The following LRP10 variants were observed in gnomAD, a reference collection of about 807,000 sequenced individuals.
The protein encoded by LRP10 is LDL receptor related protein 10.
In LRP10, 42 loss-of-function variants were observed where a neutral mutation model predicts 58.5. The ratio of observed to expected loss-of-function variants is 0.72; its 90% confidence interval spans 0.56 to 0.93. The LOEUF is 0.93. Among genes scored for constraint, LRP10 ranks in the 40% least tolerant of loss-of-function variants. The probability of loss-of-function intolerance (pLI) is 0.00; values close to 1 mark genes in which losing one functional copy is unlikely to be tolerated. For missense variants in LRP10, 872 were observed against 940.1 expected (o/e 0.93, Z 0.95); for synonymous variants, 377 against 388.5 (o/e 0.97, Z 0.35).
Position 22,875,100 on chromosome 14 carries a change from A to G in LRP10, c.261A>G (p.Leu87=), listed in dbSNP as rs749293367. The G allele has an allele frequency of 6.2e-7, 1 of 1,610,780 alleles. No homozygotes were observed. Among genetic ancestry groups the G allele is most frequent in the Non-Finnish European group, 8.5e-7 (1 of 1,178,378 alleles). Reference sequence around the variant, plus strand: ...CCTGTGGCTCAGAGCGCTTAACCCTACGCTCCCCTCTCCAGCCACTGATCT... The same window carrying G: ...CCTGTGGCTCAGAGCGCTTAACCCTGCGCTCCCCTCTCCAGCCACTGATCT... ...HLACGSERLT[L]RSPLQPLISL... The change falls in exon 4 of 7, where the codon CTA becomes CTG. Residue 87 remains leucine, a synonymous_variant. Transcript: ENST00000359591.
In LRP10 at chr14:22,876,348, A is replaced by G. The variant is rs759327876; in HGVS notation, c.1400A>G (p.Tyr467Cys). 14 of 1,613,954 alleles carry G rather than the reference A, an allele frequency of 8.7e-6. No homozygotes were observed. In the East Asian group the frequency reaches 1.3e-4, roughly 15 times the overall value. ...GCCCTGGGCTGCACCTGCAAGCTCT[A>G]TGCCATTCGCACCCAGGAGTACAGG... ...VIALGCTCKLYAIRTQEYSIF... is the reference protein window; with the variant it reads ...VIALGCTCKLCAIRTQEYSIF... Residue 467 changes from tyrosine to cysteine, a missense_variant, in exon 5 of 7, where the codon TAT becomes TGT. Coordinates refer to ENST00000359591, the MANE Select transcript of LRP10 (RefSeq NM_014045.5).
rs1234632892 is a variant in LRP10, at chr14:22,877,717, C to T, written c.*190C>T. 1.3e-5 allele frequency: 7 copies of T among 543,880 alleles called. No individual in the cohort carries two copies. The highest frequency in any genetic ancestry group is 2.3e-5 in the Non-Finnish European group (7 of 308,490). 33.7% of individuals were successfully genotyped at this position (543,880 alleles called of 1,614,324 possible). Reference sequence around the variant, plus strand: ...AAGTGTCCCTCAGGCAGGGAGAGGGCTCACAGAGTCTCCTCTGTACGTGGC... The same window carrying T: ...AAGTGTCCCTCAGGCAGGGAGAGGGTTCACAGAGTCTCCTCTGTACGTGGC... On this transcript the variant is annotated 3_prime_UTR_variant, in exon 7 of 7. Coordinates refer to ENST00000359591, the MANE Select transcript of LRP10 (RefSeq NM_014045.5). This position sits in a 1 kb window ranked among gnomAD's most constrained non-coding sequence, Gnocchi z 5.1.
chr14:22,873,479 T>G (rs999040629), intron 3 of LRP10, 33 bp downstream of exon 3: 1 of 1,609,142 alleles, frequency 6.2e-7, no homozygotes, highest in African/African-American at 1.3e-5. Context: ...GAACCCATTC[T>G]TCTCCCCTGC....
At position 22,881,036 on chromosome 14, in the gene LRP10, C is replaced by G. The variant is rs1044021038; in HGVS notation, c.*3509C>G. 1.3e-5 allele frequency: 2 copies of G among 152,090 alleles called. No homozygotes were observed. Among genetic ancestry groups the G allele is most frequent in the Admixed American group, 1.3e-4 (2 of 15,250 alleles). The allele number at this position is 152,090 out of a possible 1,614,324, so 9.4% of individuals were successfully genotyped here. A position where few individuals can be genotyped will look rare whatever the true frequency, so the allele number is the denominator to read the frequency against. ...AAAAAAAGTGAGTGCCCGATGATGC[C>G]AGATTCTTCATCACCTGAAGTGAAC... On this transcript the variant is annotated 3_prime_UTR_variant, in exon 7 of 7. Coordinates refer to ENST00000359591, the MANE Select transcript of LRP10 (RefSeq NM_014045.5).
At position 22,872,998 on chromosome 14, in the gene LRP10, A is replaced by G. The variant is rs565934257; in HGVS notation, c.79+216A>G. 10 of 617,338 alleles carry G rather than the reference A, an allele frequency of 1.6e-5. 1 individual carries two copies. The African/African-American group carries it at 1.8e-4, about 11-fold the overall frequency. The allele number at this position is 617,338 out of a possible 1,614,324, so 38.2% of individuals were successfully genotyped here. On this transcript the variant is annotated intron_variant, in intron 2 of 6. Transcript: ENST00000359591. ...TTTTTTCTGGGAATATCTATGCTTG[A>G]TCGTCCTAACCAGGATGTAGTCTCC...
chr14:22,873,079 A>T, intron 2 of LRP10: 2 of 609,242 alleles, frequency 3.3e-6, no homozygotes, highest in Non-Finnish European at 2.9e-6. Context: ...GGCACAAAGC[A>T]GACGTCAGAA....
chr14:22,876,905 C>A, intron 6 of LRP10, 35 bp from the exon 7 acceptor site: 1 of 1,582,678 alleles, frequency 6.3e-7, no homozygotes, highest in Non-Finnish European at 8.6e-7. Context: ...CAGCCTTTGG[C>A]CCTCTGACTC....
intron 2 of LRP10, 176 bp downstream of exon 2, chr14:22,872,958 C>T: frequency 3.1e-6 from 2 of 648,280 alleles, no homozygotes; most frequent in Admixed American, 2.9e-5. Flanking sequence ...CTGGTAGTTG[C>T]TATGTACTAT....
chr14:22,876,878 CT>C (rs1305275150), intron 6 of LRP10, 60 bp downstream of exon 6: 21 of 1,595,040 alleles, frequency 1.3e-5, no homozygotes, highest in Non-Finnish European at 1.8e-5. Flanking sequence ...GGCCCCGCCC[CT>C]GTACCCTCCT....
chr14:22,875,230 C>G lies in LRP10; in HGVS notation c.391C>G (p.Leu131Val). The change falls in exon 4 of 7, where the codon CTC (leucine) becomes GTC (valine). Residue 131 changes from leucine (L) to valine (V), a missense_variant. Transcript: ENST00000359591. ...AGCACCCATGGGCCAGGGCTTCCTG[C>G]TCTCCTACAGCCAAGGTAGGCTGGA... ...ARAPMGQGFL[L>V]SYSQDWLMCL... The G allele has an allele frequency of 6.2e-7, 1 of 1,600,004 alleles. No homozygotes were observed. Among genetic ancestry groups the G allele is most frequent in the Non-Finnish European group, 8.5e-7 (1 of 1,172,036 alleles).
At chr14:22,872,361 C>T (rs769380837) in intron 1 of LRP10, 24 bp downstream of exon 1, 2 of 1,613,924 alleles carry the variant, frequency 1.2e-6, no homozygotes, top group Non-Finnish European at 1.7e-6. Flanking sequence ...CGATACCAAC[C>T]CCCAGCCTTC....
intron 1 of LRP10, 60 bp downstream of exon 1, chr14:22,872,397 C>T (rs2039964406): frequency 6.3e-7 from 1 of 1,596,630 alleles, no homozygotes; most frequent in Non-Finnish European, 8.6e-7. Flanking sequence ...AGCTCTAACT[C>T]CCTCCAGTGC....
intron 1 of LRP10, 78 bp downstream of exon 1, chr14:22,872,415 C>A: frequency 6.5e-7 from 1 of 1,547,000 alleles, no homozygotes; most frequent in Non-Finnish European, 8.9e-7. Flanking sequence ...TGCGGCCCCG[C>A]ACTCTATCCT....
chr14:22,876,292 C>G lies in LRP10; in HGVS notation c.1344C>G (p.Gly448=). 5 of 1,614,132 alleles carry G rather than the reference C, an allele frequency of 3.1e-6. No homozygotes were observed. The highest frequency in any genetic ancestry group is 4.2e-6 in the Non-Finnish European group (5 of 1,180,042). Residue 448 remains glycine (G), a synonymous_variant, in exon 5 of 7, where the codon GGC becomes GGG. Coordinates refer to ENST00000359591, the MANE Select transcript of LRP10 (RefSeq NM_014045.5). ...PRKVITAAVI[G]SLVCGLLLVI... ...AGGTCATTACAGCTGCAGTCATTGG[C>G]AGCCTAGTGTGCGGCCTGCTCCTGG...
In LRP10 at chr14:22,877,563, G is replaced by T; in HGVS notation, c.*36G>T. ...GGGCTCTACTGAGGCCTCTCCCCTG[G>T]GGGCTCTACTCATAGTGGCACAACC... On this transcript the variant is annotated 3_prime_UTR_variant, in exon 7 of 7. Transcript: ENST00000359591. This position sits in a 1 kb window ranked among gnomAD's most constrained non-coding sequence, Gnocchi z 5.1. 1 of 1,462,244 alleles carries T rather than the reference G, an allele frequency of 6.8e-7. No individual in the cohort carries two copies. 90.6% of individuals were successfully genotyped at this position (1,462,244 alleles called of 1,614,324 possible). A position where few individuals can be genotyped will look rare whatever the true frequency, so the allele number is the denominator to read the frequency against.
In LRP10 at chr14:22,881,360, A is replaced by C. The variant is rs954331985; in HGVS notation, c.*3833A>C. 11 of 152,094 alleles carry C rather than the reference A, an allele frequency of 7.2e-5. No individual in the cohort carries two copies. The highest frequency in any genetic ancestry group is 2.4e-4 in the African/African-American group (10 of 41,408). 9.4% of individuals were successfully genotyped at this position (152,094 alleles called of 1,614,324 possible). ...CCCTCCCTCTGAAAAAAATAAAAATACTCATTTTGGAAGGAAGTCATTCTA... is the reference window on the plus strand; with the variant it reads ...CCCTCCCTCTGAAAAAAATAAAAATCCTCATTTTGGAAGGAAGTCATTCTA... On this transcript the variant is annotated 3_prime_UTR_variant, in exon 7 of 7. Coordinates refer to ENST00000359591, the MANE Select transcript of LRP10 (RefSeq NM_014045.5).
chr14:22,878,865 C>T lies in LRP10; in HGVS notation c.*1338C>T, dbSNP rs567704598. ...AATGATTCGCAAGCAGTGTTGGAAC[C>T]CAGCCCCTAGTGAGCAAAGTGACAG... On this transcript the variant is annotated 3_prime_UTR_variant, in exon 7 of 7. Coordinates refer to ENST00000359591, the MANE Select transcript of LRP10 (RefSeq NM_014045.5). The T allele has an allele frequency of 1.2e-4, 31 of 266,166 alleles. No individual in the cohort carries two copies. The highest frequency in any genetic ancestry group is 1.1e-3 in the South Asian group (29 of 26,658). 16.5% of individuals were successfully genotyped at this position (266,166 alleles called of 1,614,324 possible). A position where few individuals can be genotyped will look rare whatever the true frequency, so the allele number is the denominator to read the frequency against.
intron 3 of LRP10, among the ~76,000 whole-genome samples, chr14:22,874,817 G>T (rs977424881): frequency 7.9e-5 from 12 of 152,188 alleles, no homozygotes; most frequent in African/African-American, 2.7e-4. Flanking sequence ...AACCCAAGAG[G>T]TGGAGGTTGC....
Position 22,878,974 on chromosome 14 carries a change from A to C in LRP10, c.*1447A>C. The C allele has an allele frequency of 3.2e-6, 1 of 313,594 alleles. No individual in the cohort carries two copies. The highest frequency in any genetic ancestry group is 2.4e-5 in the South Asian group (1 of 41,408). The allele number at this position is 313,594 out of a possible 1,614,324, so 19.4% of individuals were successfully genotyped here. On this transcript the variant is annotated 3_prime_UTR_variant, in exon 7 of 7. Coordinates refer to ENST00000359591, the MANE Select transcript of LRP10 (RefSeq NM_014045.5). ...GGGTGGGAGTGATGCCTCAGGAACA[A>C]AACTGAGGAATTCCCTAACGGACCC...
Sources: gnomAD v4.1 joint callset for allele counts (sites outside exome capture counted in the v4.1 genomes callset) on GRCh38, gnomAD v4.1.1 for gene constraint, Gnocchi (gnomAD v3.1) non-coding constraint, MANE v1.5 for transcripts, NCBI Gene and HGNC (gene_info 2026-07-23, HGNC 2026-07-21) for gene names.